The following KALRN variants were observed in gnomAD, a reference collection of about 807,000 sequenced individuals.
KALRN encodes kalirin RhoGEF kinase.
Under a neutral mutation model 353.7 loss-of-function variants are expected in KALRN, and 70 were observed. That is an observed-to-expected ratio of 0.20 (90% CI 0.16 to 0.24). The LOEUF is 0.24. KALRN is among the 10% of genes least tolerant of loss of function. The pLI, the probability that KALRN is intolerant of heterozygous loss-of-function variation, is 1.00. For missense variants in KALRN, 2,791 were observed against 3,756.7 expected, an observed-to-expected ratio of 0.74 and a Z score of 6.72; for synonymous variants, 1,391 against 1,434.8, an observed-to-expected ratio of 0.97 and a Z score of 0.69.
intron 1 of KALRN, among the ~76,000 whole-genome samples, chr3:124,211,955 A>G (rs1325037818): frequency 6.6e-6 from 1 of 152,174 alleles, no homozygotes; most frequent in Non-Finnish European, 1.5e-5. Context: ...GCCTTTCTAG[A>G]GTTCTCTTTC....
intron 13 of KALRN, among the ~76,000 whole-genome samples, chr3:124,412,592 G>C (rs980122924): frequency 1.3e-5 from 2 of 152,206 alleles, no homozygotes; most frequent in African/African-American, 4.8e-5. Context: ...GTAGGATTTA[G>C]TCTCGATTTG....
chr3:124,411,433 C>CTTTTTTTT lies in KALRN; in HGVS notation c.2347-2016_2347-2009dup, dbSNP rs61485429. On this transcript the variant is annotated intron_variant, in intron 13 of 59. Transcript: ENST00000682506. ...AAGCCTATGTATACTTTAAATTATG[C>CTTTTTTTT]TTTTTTTTTTTTTTTTTTTTTTTTT... 1.9e-3 allele frequency among the ~76,000 whole-genome samples: 96 copies of CTTTTTTTT among 51,488 alleles called. 19 individuals carry two copies. The highest frequency in any genetic ancestry group is 8.6e-3 in the East Asian group (14 of 1,636). 33.8% of individuals were successfully genotyped at this position (51,488 alleles called of 152,430 possible). A position where few individuals can be genotyped will look rare whatever the true frequency, so the allele number is the denominator to read the frequency against.
chr3:124,215,584 T>G (rs1016183062), intron 1 of KALRN, among the ~76,000 whole-genome samples: 8 of 152,200 alleles, frequency 5.3e-5, no homozygotes, highest in Admixed American at 2.0e-4. Context: ...CCTCCCTTAA[T>G]CATTACAACA....
At chr3:124,441,825 CA>C in intron 18 of KALRN, 119 bp from the exon 19 acceptor site, 2 of 558,464 alleles carry the variant, frequency 3.6e-6, no homozygotes, top group Non-Finnish European at 5.9e-6. Flanking sequence ...GACTCTGTCT[CA>C]AAAAAGAAAA....
intron 33 of KALRN, among the ~76,000 whole-genome samples, chr3:124,503,961 A>C (rs1397086277): frequency 1.3e-5 from 2 of 152,228 alleles, no homozygotes; most frequent in Admixed American, 1.3e-4. Context: ...CATCATTAAA[A>C]TTGCCAATCG....
chr3:124,165,701 C>T (rs911288788), intron 1 of KALRN, among the ~76,000 whole-genome samples: 4 of 152,236 alleles, frequency 2.6e-5, no homozygotes, highest in Non-Finnish European at 4.4e-5. Flanking sequence ...GCCTGCCTTG[C>T]ACTCATTCTT....
chr3:124,159,671 T>G (rs2069601801), intron 1 of KALRN, among the ~76,000 whole-genome samples: 1 of 152,048 alleles, frequency 6.6e-6, no homozygotes, highest in African/African-American at 2.4e-5. Flanking sequence ...CCCATTTCTC[T>G]GATGCGTAAT....
chr3:124,381,086 G>T (rs1309544494), intron 10 of KALRN, among the ~76,000 whole-genome samples: 1 of 152,168 alleles, frequency 6.6e-6, no homozygotes, highest in Admixed American at 6.5e-5. Context: ...CCATGGAGAG[G>T]GTTGGTATAG....
At chr3:124,070,730 T>G (rs1318051837) in intron 1 of KALRN, among the ~76,000 whole-genome samples, 17 of 152,242 alleles carry the variant, frequency 1.1e-4, no homozygotes, top group Non-Finnish European at 7.3e-5. Context: ...AATGTAAGCT[T>G]GGCCTTCCCT....
chr3:124,562,713 A>C, intron 33 of KALRN, 130 bp from the exon 34 acceptor site: 2 of 800,788 alleles, frequency 2.5e-6, no homozygotes, highest in South Asian at 1.8e-5. Flanking sequence ...TTTCCTCTTT[A>C]TTCCCCTTCT....
intron 34 of KALRN, among the ~76,000 whole-genome samples, chr3:124,571,839 G>A (rs2073543154): frequency 6.6e-6 from 1 of 151,568 alleles, no homozygotes; most frequent in Non-Finnish European, 1.5e-5. Flanking sequence ...TGTTGCCCAG[G>A]CTGGTCTCGA....
rs183681425 is a variant in KALRN at position 124,546,537 on chromosome 3, T to C, written c.4936-16306T>C. ...ATTTTAACAGTGACTTCATATGGAC[T>C]CCAATATAGAAGAGGGTTGTTGTGG... On this transcript the variant is annotated intron_variant, in intron 33 of 59. Transcript: ENST00000682506. 5.0e-3 allele frequency among the ~76,000 whole-genome samples: 757 copies of C among 152,242 alleles called. 3 individuals are homozygous for C. Among genetic ancestry groups the C allele is most frequent in the Non-Finnish European group, 8.3e-3 (562 of 68,012 alleles).
chr3:124,145,537 CT>C (rs938880307), intron 1 of KALRN, among the ~76,000 whole-genome samples: 2 of 152,222 alleles, frequency 1.3e-5, no homozygotes, highest in African/African-American at 2.4e-5. Context: ...CTCACTGCCC[CT>C]CTTCTTCTGA....
intron 51 of KALRN, among the ~76,000 whole-genome samples, chr3:124,682,910 T>C (rs551885772): frequency 4.6e-5 from 7 of 152,266 alleles, no homozygotes; most frequent in Admixed American, 3.3e-4. Context: ...GCCACACCAA[T>C]GCCACTGCAA....
At position 124,705,269 on chromosome 3, in the gene KALRN, T is replaced by C. The variant is rs150169943; in HGVS notation, c.8075+3153T>C. On this transcript the variant is annotated intron_variant, in intron 57 of 59. Transcript: ENST00000682506. ...TTCCTAAACTTCATTGAAACTATAATGCAGGGTTTATTTTATTTTATTTTA... is the reference window on the plus strand; with the variant it reads ...TTCCTAAACTTCATTGAAACTATAACGCAGGGTTTATTTTATTTTATTTTA... 3.3e-5 allele frequency among the ~76,000 whole-genome samples: 5 copies of C among 152,308 alleles called. No individual in the cohort carries two copies. The East Asian group carries it at 9.6e-4, about 29-fold the overall frequency.
chr3:124,080,186 T>A (rs2060470498), intron 1 of KALRN: 1 of 360,936 alleles, frequency 2.8e-6, no homozygotes, highest in African/African-American at 2.1e-5. Context: ...CTTTCCACAA[T>A]GCTGACTCCT....
chr3:124,383,380 T>C (rs2087710603), intron 10 of KALRN, among the ~76,000 whole-genome samples: 1 of 152,236 alleles, frequency 6.6e-6, no homozygotes, highest in East Asian at 1.9e-4. Context: ...TTCTGGAAGC[T>C]AGACATTTGA....
rs77095071 is a variant in KALRN, at chr3:124,689,019, T to C, written c.7378-4785T>C. 1.7e-3 allele frequency among the ~76,000 whole-genome samples: 255 copies of C among 152,324 alleles called. 3 individuals are homozygous for C. Among genetic ancestry groups the C allele is most frequent in the African/African-American group, 6.1e-3 (254 of 41,580 alleles). On this transcript the variant is annotated intron_variant, in intron 51 of 59. Coordinates refer to ENST00000682506, the MANE Select transcript of KALRN (RefSeq NM_001388419.1). The stretch of plus-strand genomic sequence containing the variant: ...TCGCCTGGGAGGAAGCGCTGCCACC[T>C]GCTGCCCTCTGCTGGTCAAATAAAA...
At chr3:124,343,517 C>T (rs1371190133) in intron 9 of KALRN, among the ~76,000 whole-genome samples, 1 of 152,184 alleles carries the variant, frequency 6.6e-6, no homozygotes, top group African/African-American at 2.4e-5. Context: ...CCTTGCAGCC[C>T]TTCAGTGGCT....
Sources: allele counts gnomAD v4.1 joint callset (sites outside exome capture counted in the v4.1 genomes callset), GRCh38; gene constraint gnomAD v4.1.1; transcripts MANE v1.5; gene names NCBI Gene and HGNC (gene_info 2026-07-23, HGNC 2026-07-21).